ELP4: variants seen among roughly 807,000 people sequenced by gnomAD.
ELP4 encodes the protein elongator complex protein 4.
Under a neutral mutation model 48.9 loss-of-function variants are expected in ELP4, and 51 were observed. That is an observed-to-expected ratio of 1.04 (90% CI 0.83 to 1.32). The LOEUF (loss-of-function observed/expected upper bound fraction) is 1.32. ELP4 is among the 40% of genes most tolerant of loss of function. The pLI is 0.00. For missense variants in ELP4, 519 were observed against 514.6 expected (o/e 1.01, Z -0.08); for synonymous variants, 210 against 189.2 (o/e 1.11, Z -0.90).
intron 3 of ELP4, among the ~76,000 whole-genome samples, chr11:31,581,785 G>A (rs1383150539): frequency 3.5e-5 from 5 of 141,950 alleles, no homozygotes; most frequent in African/African-American, 5.3e-5. Context: ...ACAGTGTCTC[G>A]CTCTGTCACC....
intron 2 of ELP4, among the ~76,000 whole-genome samples, chr11:31,538,985 G>C (rs2133905149): frequency 6.6e-6 from 1 of 152,124 alleles, no homozygotes; most frequent in African/African-American, 2.4e-5. Flanking sequence ...TATAAAGTGG[G>C]AATTGTTTCC....
intron 5 of ELP4, among the ~76,000 whole-genome samples, chr11:31,609,349 T>G (rs1213452951): frequency 6.6e-6 from 1 of 152,180 alleles, no homozygotes; most frequent in Non-Finnish European, 1.5e-5. Context: ...TTGTGGGGTT[T>G]GAGGGCCATC....
At chr11:31,760,538 C>T (rs1947923874) in intron 9 of ELP4, among the ~76,000 whole-genome samples, 1 of 152,088 alleles carries the variant, frequency 6.6e-6, no homozygotes, top group African/African-American at 2.4e-5. Flanking sequence ...ATTATAAAAA[C>T]ATTAGAAGAC....
intron 9 of ELP4, among the ~76,000 whole-genome samples, chr11:31,762,915 A>G (rs918373797): frequency 6.6e-6 from 1 of 151,882 alleles, no homozygotes; most frequent in African/African-American, 2.4e-5. Context: ...TTATACCTTG[A>G]ATATTATATA....
chr11:31,705,370 T>G (rs1009137523), intron 9 of ELP4, among the ~76,000 whole-genome samples: 5 of 152,278 alleles, frequency 3.3e-5, no homozygotes, highest in Admixed American at 3.3e-4. Context: ...AAAGCCCCAC[T>G]GTCAAATACC....
intron 2 of ELP4, among the ~76,000 whole-genome samples, chr11:31,537,367 C>T (rs1056386009): frequency 6.6e-6 from 1 of 151,476 alleles, no homozygotes; most frequent in Non-Finnish European, 1.5e-5. Flanking sequence ...TATTTCTGTC[C>T]TTTTGCTAAT....
At chr11:31,760,103 T>C (rs984741760) in intron 9 of ELP4, among the ~76,000 whole-genome samples, 3 of 152,204 alleles carry the variant, frequency 2.0e-5, no homozygotes, top group South Asian at 2.1e-4. Flanking sequence ...CATAAAGATA[T>C]ATACTTTTAT....
chr11:31,763,815 A>T (rs1015695188), intron 9 of ELP4, among the ~76,000 whole-genome samples: 1 of 152,016 alleles, frequency 6.6e-6, no homozygotes, highest in African/African-American at 2.4e-5. Flanking sequence ...GTTATATGAC[A>T]TCTAAAGAAA....
chr11:31,530,792 T>A (rs916407533), intron 2 of ELP4, among the ~76,000 whole-genome samples: 1 of 152,194 alleles, frequency 6.6e-6, no homozygotes, highest in Admixed American at 6.5e-5. Context: ...CATTGTCACA[T>A]ACTTTCAGCT....
chr11:31,535,383 C>G (rs1346022043), intron 2 of ELP4, among the ~76,000 whole-genome samples: 1 of 151,830 alleles, frequency 6.6e-6, no homozygotes, highest in African/African-American at 2.4e-5. Flanking sequence ...CGTTCTGTTC[C>G]CCAGGCTGGA....
At chr11:31,539,910 A>AT in intron 3 of ELP4, 127 bp downstream of exon 3, 1 of 691,552 alleles carries the variant, frequency 1.4e-6, no homozygotes, top group Non-Finnish European at 2.0e-6. Context: ...GGAACCATAC[A>AT]TTTTTTAAAA....
chr11:31,717,550 T>A (rs1435740821), intron 9 of ELP4, among the ~76,000 whole-genome samples: 5 of 151,856 alleles, frequency 3.3e-5, no homozygotes, highest in African/African-American at 1.2e-4. Context: ...GGTCAGGAGT[T>A]CAGGACCAGC....
chr11:31,658,273 C>T (rs4922875), intron 9 of ELP4, among the ~76,000 whole-genome samples: 91,949 of 151,584 alleles, frequency 0.61, 31,644 homozygotes, highest in Non-Finnish European at 0.76. Context: ...TTCTGTTCCC[C>T]AGCATGCATT....
chr11:31,585,076 A>G (rs1021538925), intron 3 of ELP4, among the ~76,000 whole-genome samples: 1 of 152,172 alleles, frequency 6.6e-6, no homozygotes, highest in African/African-American at 2.4e-5. Flanking sequence ...CTCCTACATT[A>G]TGAAACAAAA....
At chr11:31,580,797 G>T (rs1180984005) in intron 3 of ELP4, 1 of 152,098 alleles carries the variant, frequency 6.6e-6, no homozygotes, top group African/African-American at 2.4e-5. Flanking sequence ...AGCTGAGACT[G>T]TAGGTGAGCG....
rs149460742 is a variant in ELP4, at chr11:31,674,500, G to A, written c.1143+24279G>A. Among the ~76,000 whole-genome samples the A allele has an allele frequency of 4.7e-3, 719 of 152,274 alleles. 8 individuals carry two copies. Among genetic ancestry groups the A allele is most frequent in the Non-Finnish European group, 8.0e-3 (542 of 68,012 alleles). ...TAAAAGGTAGAAAATAAGAAAACAT[G>A]TATTTCCAACTAATTTGAATAGAAG... On this transcript the variant is annotated intron_variant, in intron 9 of 9. Coordinates refer to ENST00000640961, the MANE Select transcript of ELP4 (RefSeq NM_019040.5).
chr11:31,539,252 C>T (rs547797310), intron 2 of ELP4, among the ~76,000 whole-genome samples: 5 of 152,158 alleles, frequency 3.3e-5, no homozygotes, highest in Non-Finnish European at 7.3e-5. Flanking sequence ...ATCACGAGGT[C>T]AGGAGATCGA....
chr11:31,572,958 T>A (rs920466977), intron 3 of ELP4, among the ~76,000 whole-genome samples: 3 of 152,118 alleles, frequency 2.0e-5, no homozygotes, highest in Non-Finnish European at 2.9e-5. Flanking sequence ...CAGTGAGCTG[T>A]GTTTGCACCA....
chr11:31,697,087 G>A (rs972355632), intron 9 of ELP4, among the ~76,000 whole-genome samples: 5 of 151,994 alleles, frequency 3.3e-5, no homozygotes, highest in Non-Finnish European at 7.4e-5. Context: ...ATGGTAAAGG[G>A]ATCAATTCAA....
Sources: gnomAD v4.1 joint callset for allele counts (sites outside exome capture counted in the v4.1 genomes callset) on GRCh38, gnomAD v4.1.1 for gene constraint, MANE v1.5 for transcripts, NCBI Gene and HGNC (gene_info 2026-07-23, HGNC 2026-07-21) for gene names.